Variants in CTNNA3 observed in about 807,000 individuals in gnomAD.
The protein encoded by CTNNA3 is catenin alpha 3, also known as catenin alpha-3.
A neutral mutation model predicts 95.7 loss-of-function variants in CTNNA3; 76 were observed. That is an observed-to-expected ratio of 0.79 (90% CI 0.66 to 0.96). The LOEUF (loss-of-function observed/expected upper bound fraction) is 0.96. CTNNA3 is among the 40% of genes least tolerant of loss of function. The pLI, the probability that CTNNA3 is intolerant of heterozygous loss-of-function variation, is 0.00. For synonymous variants in CTNNA3, 431 were observed against 374.4 expected, an observed-to-expected ratio of 1.15 and a Z score of -1.74; for missense variants, 1,191 against 1,089.8, an observed-to-expected ratio of 1.09 and a Z score of -1.31.
chr10:66,902,885 A>C (rs1173270421), intron 7 of CTNNA3, among the ~76,000 whole-genome samples: 2 of 147,444 alleles, frequency 1.4e-5, no homozygotes, highest in Non-Finnish European at 3.0e-5. Flanking sequence ...GGCAATAATT[A>C]ATAGCATACC....
intron 11 of CTNNA3, among the ~76,000 whole-genome samples, chr10:66,401,125 G>C (rs1028022947): frequency 6.6e-6 from 1 of 152,114 alleles, no homozygotes; most frequent in Non-Finnish European, 1.5e-5. Context: ...CTGCTTACCA[G>C]TTCTATAAAC....
chr10:66,746,805 G>A (rs944593357), intron 9 of CTNNA3, among the ~76,000 whole-genome samples: 71 of 152,098 alleles, frequency 4.7e-4, no homozygotes, highest in Admixed American at 4.6e-3. Context: ...ATCCTAAAAT[G>A]TCTGCACTCA....
At chr10:67,214,187 T>C (rs1864255795) in intron 6 of CTNNA3, among the ~76,000 whole-genome samples, 1 of 151,838 alleles carries the variant, frequency 6.6e-6, no homozygotes, top group Admixed American at 6.6e-5. Flanking sequence ...CATCCTTCTT[T>C]TTCCACAGTG....
intron 17 of CTNNA3, among the ~76,000 whole-genome samples, chr10:65,965,077 C>T (rs754265454): frequency 1.3e-5 from 2 of 152,146 alleles, no homozygotes; most frequent in Admixed American, 6.5e-5. Context: ...ATTTGAATAT[C>T]AAAGACACTA....
chr10:67,256,337 C>T (rs1271154740), intron 5 of CTNNA3, among the ~76,000 whole-genome samples: 2 of 152,164 alleles, frequency 1.3e-5, no homozygotes, highest in African/African-American at 4.8e-5. Flanking sequence ...GATTATGCTT[C>T]AGTCTGAATT....
At chr10:66,283,398 T>C (rs1049893286) in intron 12 of CTNNA3, among the ~76,000 whole-genome samples, 1 of 151,816 alleles carries the variant, frequency 6.6e-6, no homozygotes, top group Non-Finnish European at 1.5e-5. Flanking sequence ...ATACTTTCAA[T>C]CTGCTATTAT....
chr10:66,517,499 T>C (rs563399881), intron 11 of CTNNA3, among the ~76,000 whole-genome samples: 1 of 152,168 alleles, frequency 6.6e-6, no homozygotes, highest in African/African-American at 2.4e-5. Context: ...TCATCCTCAC[T>C]ACTACACTGC....
At chr10:66,047,533 G>T (rs990505467) in intron 15 of CTNNA3, among the ~76,000 whole-genome samples, 4 of 151,980 alleles carry the variant, frequency 2.6e-5, no homozygotes, top group African/African-American at 9.7e-5. Flanking sequence ...TTACTAAATG[G>T]GCAAAAGCTG....
chr10:67,311,577 A>G (rs566658137), intron 5 of CTNNA3, among the ~76,000 whole-genome samples: 6 of 152,310 alleles, frequency 3.9e-5, no homozygotes, highest in African/African-American at 1.4e-4. Flanking sequence ...TACATTTCTC[A>G]AAACTCAATC....
At chr10:66,970,364 C>T (rs977106955) in intron 7 of CTNNA3, among the ~76,000 whole-genome samples, 19 of 152,084 alleles carry the variant, frequency 1.2e-4, no homozygotes, top group African/African-American at 4.1e-4. Flanking sequence ...CCTGCATACA[C>T]AGTCAGCTTC....
intron 5 of CTNNA3, among the ~76,000 whole-genome samples, chr10:67,381,501 G>A (rs778382760): frequency 7.2e-5 from 11 of 152,100 alleles, no homozygotes; most frequent in South Asian, 2.1e-4. Context: ...CCCTTCCTTC[G>A]TGCACTGTAA....
At chr10:67,644,365 G>A (rs528625265) in intron 2 of CTNNA3, among the ~76,000 whole-genome samples, 4 of 151,840 alleles carry the variant, frequency 2.6e-5, no homozygotes, top group Admixed American at 6.6e-5. Context: ...TCCTTCGTCC[G>A]CTTTTTGATG....
intron 7 of CTNNA3, among the ~76,000 whole-genome samples, chr10:66,999,110 C>T (rs1851534294): frequency 6.6e-6 from 1 of 151,744 alleles, no homozygotes; most frequent in Admixed American, 6.6e-5. Context: ...CACAGAAAAC[C>T]CTCATATTTC....
chr10:66,846,207 C>T (rs1228955220), intron 7 of CTNNA3, among the ~76,000 whole-genome samples: 1 of 151,968 alleles, frequency 6.6e-6, no homozygotes, highest in Non-Finnish European at 1.5e-5. Flanking sequence ...TAAACCAGAC[C>T]CAGAAACACA....
At chr10:67,302,027 GAAAGAAAGAAAGAAAGAAAGA>G (rs1296616042) in intron 5 of CTNNA3, among the ~76,000 whole-genome samples, 2 of 49,132 alleles carry the variant, frequency 4.1e-5, no homozygotes, top group Non-Finnish European at 7.0e-5. Context: ...AAGAAAGAAA[GAAAGAAAGAAAGAAAGAAAGA>G]AAGAAAGAAA....
intron 7 of CTNNA3, among the ~76,000 whole-genome samples, chr10:67,002,396 A>G (rs1397213263): frequency 1.3e-5 from 2 of 152,154 alleles, no homozygotes; most frequent in Admixed American, 1.3e-4. Flanking sequence ...TTTCTGTAAA[A>G]GTGAGAAATG....
At chr10:66,414,691 T>C (rs2093132777) in intron 11 of CTNNA3, among the ~76,000 whole-genome samples, 1 of 152,134 alleles carries the variant, frequency 6.6e-6, no homozygotes, top group African/African-American at 2.4e-5. Flanking sequence ...AACCCAGGAA[T>C]GCTGAGGCTA....
chr10:67,648,502 C>T (rs140044256), intron 1 of CTNNA3, among the ~76,000 whole-genome samples: 1 of 152,178 alleles, frequency 6.6e-6, no homozygotes, highest in Non-Finnish European at 1.5e-5. Flanking sequence ...CCCTTCAAAC[C>T]TGCCAAGTGT....
At chr10:66,915,077 A>G (rs917136985) in intron 7 of CTNNA3, among the ~76,000 whole-genome samples, 1 of 152,168 alleles carries the variant, frequency 6.6e-6, no homozygotes, top group African/African-American at 2.4e-5. Context: ...GTTTCAGAGA[A>G]AGAGAACAAA....
Sources: gnomAD v4.1 joint callset for allele counts (sites outside exome capture counted in the v4.1 genomes callset) on GRCh38, gnomAD v4.1.1 for gene constraint, MANE v1.5 for transcripts, NCBI Gene and HGNC (gene_info 2026-07-23, HGNC 2026-07-21) for gene names.